The following STPG2 variants were observed in gnomAD, a reference collection of about 807,000 sequenced individuals.
The protein encoded by STPG2 is sperm tail PG-rich repeat containing 2.
Under a neutral mutation model 54.2 loss-of-function variants are expected in STPG2, and 56 were observed. That is an observed-to-expected ratio of 1.03 (90% CI 0.83 to 1.29). The LOEUF is 1.29. STPG2 is among the 50% of genes most tolerant of loss of function. STPG2 has a pLI of 0.00. For synonymous variants in STPG2, 200 were observed against 181.8 expected (o/e 1.10, Z -0.81); for missense variants, 596 against 544.9 (o/e 1.09, Z -0.93).
At chr4:97,902,733 T>G (rs773381218) in intron 8 of STPG2, among the ~76,000 whole-genome samples, 3 of 152,148 alleles carry the variant, frequency 2.0e-5, no homozygotes, top group Non-Finnish European at 4.4e-5. Flanking sequence ...GAAAACAGTA[T>G]AGAGGCTCCT....
intron 5 of STPG2, among the ~76,000 whole-genome samples, chr4:98,028,221 C>A (rs910117015): frequency 6.6e-6 from 1 of 152,188 alleles, no homozygotes; most frequent in Non-Finnish European, 1.5e-5. Flanking sequence ...ATTTGAGTGT[C>A]TTTTTCAAAT....
intron 9 of STPG2, among the ~76,000 whole-genome samples, chr4:97,764,431 A>T (rs1158789769): frequency 6.6e-6 from 1 of 152,270 alleles, no homozygotes; most frequent in South Asian, 2.1e-4. Context: ...TATTTGATAC[A>T]CTCAGCATAG....
chr4:98,114,764 TTTGTGTG>T (rs1399916121), intron 3 of STPG2, among the ~76,000 whole-genome samples: 1 of 128,462 alleles, frequency 7.8e-6, no homozygotes, highest in South Asian at 2.4e-4. Flanking sequence ...TTTTTTTTTT[TTTGTGTG>T]TGTGTGTGTG....
intron 4 of STPG2, among the ~76,000 whole-genome samples, chr4:97,534,395 T>C (rs1184277896): frequency 6.6e-6 from 1 of 152,220 alleles, no homozygotes; most frequent in Admixed American, 6.5e-5. Context: ...CTAGAAGTTA[T>C]ATACTGTTAC....
rs376769865 is a variant in STPG2, at chr4:97,801,624, G to A, written c.1204+39149C>T. ...AGAAATAAAATTATAGCAGAAAGTAGCTCATATTAAAACCCTTTAAAAAAT... is the reference window on the plus strand; with the variant it reads ...AGAAATAAAATTATAGCAGAAAGTAACTCATATTAAAACCCTTTAAAAAAT... On this transcript the variant is annotated intron_variant, in intron 9 of 10. Transcript: ENST00000295268. Among the ~76,000 whole-genome samples the A allele has an allele frequency of 2.0e-4, 31 of 152,246 alleles. No individual in the cohort carries two copies. In the East Asian group the frequency reaches 5.4e-3, roughly 27 times the overall value.
chr4:97,665,978 G>A (rs1458595891), intron 10 of STPG2, among the ~76,000 whole-genome samples: 1 of 152,110 alleles, frequency 6.6e-6, no homozygotes, highest in Non-Finnish European at 1.5e-5. Context: ...GCACTTACAA[G>A]CCTATGGGGG....
At chr4:98,072,854 C>T (rs1253036089) in intron 5 of STPG2, among the ~76,000 whole-genome samples, 1 of 152,192 alleles carries the variant, frequency 6.6e-6, no homozygotes, top group African/African-American at 2.4e-5. Context: ...AAACACACTA[C>T]TACTTTGAAC....
chr4:97,836,614 A>C (rs1007210056), intron 9 of STPG2, among the ~76,000 whole-genome samples: 2 of 151,826 alleles, frequency 1.3e-5, no homozygotes, highest in Admixed American at 1.3e-4. Flanking sequence ...TTCCCCATTA[A>C]CATTATTTGG....
chr4:98,010,109 G>A (rs1120708), intron 5 of STPG2, among the ~76,000 whole-genome samples: 1 of 150,842 alleles, frequency 6.6e-6, no homozygotes, highest in African/African-American at 2.4e-5. Context: ...TCATTTATTT[G>A]CCCTCTGATC....
chr4:97,534,537 T>C (rs1731486966), intron 4 of STPG2, among the ~76,000 whole-genome samples: 1 of 152,134 alleles, frequency 6.6e-6, no homozygotes, highest in South Asian at 2.1e-4. Flanking sequence ...AAAGACTTTT[T>C]TTTTCCCATG....
At chr4:97,880,700 T>C (rs1730337589) in intron 8 of STPG2, among the ~76,000 whole-genome samples, 1 of 152,138 alleles carries the variant, frequency 6.6e-6, no homozygotes, top group East Asian at 1.9e-4. Context: ...CCACTTCAGC[T>C]AAAGAACACT....
At chr4:97,637,039 A>G in intron 10 of STPG2, among the ~76,000 whole-genome samples, 2 of 152,134 alleles carry the variant, frequency 1.3e-5, no homozygotes. Flanking sequence ...GACAAAACCA[A>G]AAAAGAGAAT....
intron 4 of STPG2, among the ~76,000 whole-genome samples, chr4:97,550,155 T>C (rs1485312526): frequency 6.6e-6 from 1 of 152,156 alleles, no homozygotes; most frequent in African/African-American, 2.4e-5. Context: ...CCCTTCTAAA[T>C]GATACTTTTA....
chr4:98,087,806 C>A (rs1242221995), intron 5 of STPG2, among the ~76,000 whole-genome samples: 1 of 152,024 alleles, frequency 6.6e-6, no homozygotes. Context: ...GTGATCCGCC[C>A]GCCTCGGCCT....
intron 9 of STPG2, among the ~76,000 whole-genome samples, chr4:97,826,102 T>C (rs2149108305): frequency 6.6e-6 from 1 of 152,300 alleles, no homozygotes; most frequent in Non-Finnish European, 1.5e-5. Context: ...CACTTCTGTC[T>C]GATGTCATAG....
At chr4:97,976,144 C>A (rs1265187017) in intron 6 of STPG2, among the ~76,000 whole-genome samples, 1 of 152,140 alleles carries the variant, frequency 6.6e-6, no homozygotes, top group Non-Finnish European at 1.5e-5. Flanking sequence ...AGTCTATTCC[C>A]TAAAAATATC....
At chr4:97,677,299 T>C (rs1205981819) in intron 10 of STPG2, among the ~76,000 whole-genome samples, 1 of 152,202 alleles carries the variant, frequency 6.6e-6, no homozygotes, top group Non-Finnish European at 1.5e-5. Flanking sequence ...TGTTTTTTAA[T>C]AGCTCTACCA....
At chr4:97,927,147 A>T (rs1193276958) in intron 8 of STPG2, among the ~76,000 whole-genome samples, 1 of 152,164 alleles carries the variant, frequency 6.6e-6, no homozygotes, top group Non-Finnish European at 1.5e-5. Context: ...AAAATATTTA[A>T]CAACTCAAAT....
At chr4:97,483,310 CAACT>C (rs1225212107) in intron 4 of STPG2, among the ~76,000 whole-genome samples, 1 of 151,416 alleles carries the variant, frequency 6.6e-6, no homozygotes, top group African/African-American at 2.4e-5. Context: ...ACTCACCAAC[CAACT>C]ATCTGCTGCC....
Sources: gnomAD v4.1 joint callset for allele counts (sites outside exome capture counted in the v4.1 genomes callset) on GRCh38, gnomAD v4.1.1 for gene constraint, MANE v1.5 for transcripts, NCBI Gene and HGNC (gene_info 2026-07-23, HGNC 2026-07-21) for gene names.